COG5: variants seen among roughly 807,000 people sequenced by gnomAD.
COG5 encodes component of oligomeric golgi complex 5.
A neutral mutation model predicts 110.4 loss-of-function variants in COG5; 86 were observed. The observed-to-expected ratio is 0.78, with a 90% CI of 0.65 to 0.93. COG5 has a LOEUF of 0.93. Ranked by LOEUF, COG5 falls within the 40% of genes least tolerant of loss-of-function variation. The pLI, the probability that COG5 is intolerant of heterozygous loss-of-function variation, is 0.00. For missense variants in COG5, 1,077 were observed against 987.0 expected, an observed-to-expected ratio of 1.09 and a Z score of -1.22; for synonymous variants, 360 against 334.6, an observed-to-expected ratio of 1.08 and a Z score of -0.83.
intron 19 of COG5, among the ~76,000 whole-genome samples, chr7:107,219,459 T>C (rs982210916): frequency 6.6e-5 from 10 of 152,112 alleles, no homozygotes; most frequent in African/African-American, 2.4e-4. Flanking sequence ...GATGAGTAGA[T>C]AAAGAAAATA....
At chr7:107,521,553 GATC>G (rs1800320055) in intron 6 of COG5, among the ~76,000 whole-genome samples, 1 of 152,168 alleles carries the variant, frequency 6.6e-6, no homozygotes. Context: ...TAACATCACT[GATC>G]ATTACAGAAA....
chr7:107,492,168 AGTGTGTGT>A (rs61526384), intron 6 of COG5, among the ~76,000 whole-genome samples: 9 of 141,732 alleles, frequency 6.4e-5, no homozygotes, highest in South Asian at 2.4e-4. Flanking sequence ...AACAATGGGT[AGTGTGTGT>A]GTGTGTGTGT....
chr7:107,324,950 G>A (rs550065068), intron 10 of COG5, among the ~76,000 whole-genome samples: 7 of 152,012 alleles, frequency 4.6e-5, no homozygotes, highest in Admixed American at 1.3e-4. Flanking sequence ...TTTTAAATAC[G>A]GAGGGCAATT....
At chr7:107,205,056 G>A (rs1798659911) in intron 21 of COG5, among the ~76,000 whole-genome samples, 1 of 152,130 alleles carries the variant, frequency 6.6e-6, no homozygotes, top group African/African-American at 2.4e-5. Context: ...TTGAACCCTT[G>A]CTATCTTGTG....
intron 6 of COG5, among the ~76,000 whole-genome samples, chr7:107,511,601 G>A (rs1248786132): frequency 1.1e-4 from 17 of 152,174 alleles, no homozygotes; most frequent in South Asian, 2.1e-4. Context: ...AAAAAAGAGA[G>A]TTTTAGACCA....
intron 7 of COG5, among the ~76,000 whole-genome samples, chr7:107,374,674 A>T (rs1814476022): frequency 6.6e-6 from 1 of 152,100 alleles, no homozygotes; most frequent in Admixed American, 6.5e-5. Flanking sequence ...ATTTTAACGT[A>T]ATGGTGTATT....
chr7:107,371,891 G>A (rs1052928060), intron 8 of COG5, among the ~76,000 whole-genome samples: 1 of 152,136 alleles, frequency 6.6e-6, no homozygotes, highest in Non-Finnish European at 1.5e-5. Flanking sequence ...CTTACCAACA[G>A]GAAGGAAGAA....
intron 10 of COG5, among the ~76,000 whole-genome samples, chr7:107,349,526 G>C (rs12155231): frequency 0.16 from 23,454 of 150,086 alleles, 2,235 homozygotes; most frequent in Non-Finnish European, 0.22. Context: ...TCGGCCTCCA[G>C]AGTAGCTGGG....
chr7:107,244,866 A>G, intron 17 of COG5, among the ~76,000 whole-genome samples: 1 of 152,202 alleles, frequency 6.6e-6, no homozygotes, highest in East Asian at 1.9e-4. Flanking sequence ...ATTTTACCAT[A>G]TGTAAAAAGA....
intron 7 of COG5, among the ~76,000 whole-genome samples, chr7:107,394,925 T>G (rs527501445): frequency 6.6e-5 from 10 of 152,300 alleles, no homozygotes; most frequent in African/African-American, 2.2e-4. Flanking sequence ...GTGTTTCGTC[T>G]ATAAAAGAAG....
chr7:107,486,874 C>T (rs1797684204), intron 6 of COG5, among the ~76,000 whole-genome samples: 1 of 152,086 alleles, frequency 6.6e-6, no homozygotes, highest in African/African-American at 2.4e-5. Context: ...TGTACAACTC[C>T]AGGAGGCACA....
At chr7:107,226,298 C>T (rs1377132771) in intron 19 of COG5, among the ~76,000 whole-genome samples, 1 of 152,142 alleles carries the variant, frequency 6.6e-6, no homozygotes, top group Non-Finnish European at 1.5e-5. Flanking sequence ...TGAACAAGTG[C>T]CAAGGTCTAA....
intron 17 of COG5, among the ~76,000 whole-genome samples, chr7:107,240,906 A>T (rs1801570770): frequency 1.3e-5 from 2 of 152,246 alleles, no homozygotes; most frequent in Non-Finnish European, 2.9e-5. Context: ...TGACTGCTGT[A>T]TACATGAATC....
At chr7:107,215,834 G>A (rs1054626150) in intron 19 of COG5, among the ~76,000 whole-genome samples, 4 of 151,120 alleles carry the variant, frequency 2.6e-5, no homozygotes, top group Non-Finnish European at 3.0e-5. Flanking sequence ...CTCAGCCTAC[G>A]GAGTAGCTGG....
In COG5 at chr7:107,508,017, G is replaced by A. The variant is rs954497286; in HGVS notation, c.538+19220C>T. ...TATCGCGTTCATCTCACTAGAGAGT[G>A]CCAGACAGTGGGTGCAAGACAGTGG... On this transcript the variant is annotated intron_variant, in intron 6 of 21. Coordinates refer to ENST00000297135, the MANE Select transcript of COG5 (RefSeq NM_006348.5). Among the ~76,000 whole-genome samples the A allele has an allele frequency of 4.6e-5, 7 of 152,330 alleles. No homozygotes were observed. In the South Asian group the frequency reaches 1.2e-3, roughly 27 times the overall value.
In COG5 at chr7:107,563,881, C is replaced by T. The variant is rs764834291; in HGVS notation, c.16G>A (p.Gly6Ser). Reference sequence around the variant, plus strand: ...CCGAGGCCAGCTACAGCGACGCTGCCGCCGCCACCTTCCATGTTGGCAGGT... The same window carrying T: ...CCGAGGCCAGCTACAGCGACGCTGCTGCCGCCACCTTCCATGTTGGCAGGT... MEGGG[G>S]SVAVAGLGAR... Residue 6 changes from glycine (G) to serine (S), a missense_variant, in exon 1 of 22, where the codon GGC becomes AGC. Coordinates refer to ENST00000297135, the MANE Select transcript of COG5 (RefSeq NM_006348.5). 9.3e-6 allele frequency: 15 copies of T among 1,613,592 alleles called. No individual in the cohort carries two copies. Among genetic ancestry groups the T allele is most frequent in the Non-Finnish European group, 1.3e-5 (15 of 1,179,958 alleles).
chr7:107,484,985 A>G (rs116320881), intron 6 of COG5, among the ~76,000 whole-genome samples: 2,256 of 152,304 alleles, frequency 0.015, 57 homozygotes, highest in African/African-American at 0.052. Flanking sequence ...TAGGTTTTCT[A>G]GTACAGTTAC....
rs1035429276 is a variant in COG5 at position 107,202,168 on chromosome 7, C to G, written c.*1348G>C. Reference sequence around the variant, plus strand: ...TGGTGCTATTAACAAACAGTCAACACCATTGTATTTTTTAACTTCGTGTTC... The same window carrying G: ...TGGTGCTATTAACAAACAGTCAACAGCATTGTATTTTTTAACTTCGTGTTC... On this transcript the variant is annotated 3_prime_UTR_variant, in exon 22 of 22. Transcript: ENST00000297135. 4 of 152,614 alleles carry G rather than the reference C, an allele frequency of 2.6e-5. No individual in the cohort carries two copies. Among genetic ancestry groups the G allele is most frequent in the African/African-American group, 9.7e-5 (4 of 41,422 alleles). 9.5% of individuals were successfully genotyped at this position (152,614 alleles called of 1,614,324 possible).
At chr7:107,531,866 A>G (rs1307854763) in intron 5 of COG5, among the ~76,000 whole-genome samples, 1 of 152,110 alleles carries the variant, frequency 6.6e-6, no homozygotes. Context: ...TAGTAAAACT[A>G]AAATAGCTGG....
Sources: allele counts gnomAD v4.1 joint callset (sites outside exome capture counted in the v4.1 genomes callset), GRCh38; gene constraint gnomAD v4.1.1; transcripts MANE v1.5; gene names NCBI Gene and HGNC (gene_info 2026-07-23, HGNC 2026-07-21).